Variants in TRMT11 observed in about 807,000 individuals in gnomAD.
TRMT11 encodes tRNA methyltransferase 11, also known as tRNA (guanine(10)-N(2))-methyltransferase TRMT11.
TRMT11 carries 53 observed loss-of-function variants against 62.8 expected under a neutral mutation model. The ratio of observed to expected loss-of-function variants is 0.84; its 90% CI spans 0.68 to 1.06. The LOEUF (loss-of-function observed/expected upper bound fraction) is 1.06, where lower values mean the gene tolerates loss of function less well. Among genes scored for constraint, TRMT11 ranks in the 50% least tolerant of loss-of-function variants. The pLI is 0.00. For synonymous variants in TRMT11, 188 were observed against 190.3 expected, an observed-to-expected ratio of 0.99 and a Z score of 0.10; for missense variants, 556 against 553.4, an observed-to-expected ratio of 1.00 and a Z score of -0.05.
chr6:125,996,188 G>A lies in TRMT11; in HGVS notation c.212+148G>A, dbSNP rs145260177. The A allele has an allele frequency of 2.9e-4, 164 of 560,660 alleles. No individual in the cohort carries two copies. The African/African-American group carries it at 3.0e-3, about 10-fold the overall frequency. 34.7% of individuals were successfully genotyped at this position (560,660 alleles called of 1,614,324 possible). Reference sequence around the variant, plus strand: ...CACTGGGTGGCGGTGGGGGACCAGAGGAGGGTTACCTGCCGAAACCAAGGA... The same window carrying A: ...CACTGGGTGGCGGTGGGGGACCAGAAGAGGGTTACCTGCCGAAACCAAGGA... On this transcript the variant is annotated intron_variant, in intron 3 of 12. Coordinates refer to ENST00000334379, the MANE Select transcript of TRMT11 (RefSeq NM_001031712.3).
At chr6:126,206,833 T>G (rs575814535), downstream of TRMT11, among the ~76,000 whole-genome samples, 1 of 152,320 alleles carries the variant, frequency 6.6e-6, no homozygotes, top group South Asian at 2.1e-4. Flanking sequence ...TAAACTGTTT[T>G]GCTTTGGAAA....
chr6:126,189,740 A>G (rs574180520), intron 1 of TRMT11, among the ~76,000 whole-genome samples: 1 of 152,278 alleles, frequency 6.6e-6, no homozygotes, highest in Non-Finnish European at 1.5e-5. Context: ...ATAAGGTAGC[A>G]TACTGGACAT....
At chr6:126,130,237 G>C (rs1273452038) in intron 21 of TRMT11, among the ~76,000 whole-genome samples, 1 of 152,092 alleles carries the variant, frequency 6.6e-6, no homozygotes, top group Admixed American at 6.6e-5. Context: ...GAGAACAACA[G>C]CGGGGTCTTT....
At chr6:126,157,410 C>T (rs912518862) in intron 21 of TRMT11, among the ~76,000 whole-genome samples, 1 of 152,148 alleles carries the variant, frequency 6.6e-6, no homozygotes, top group African/African-American at 2.4e-5. Flanking sequence ...AAGCCTGGCT[C>T]CTGCTAAACC....
chr6:126,137,659 T>G (rs542617458), intron 21 of TRMT11, among the ~76,000 whole-genome samples: 1 of 152,020 alleles, frequency 6.6e-6, no homozygotes, highest in African/African-American at 2.4e-5. Context: ...CAAAGGGATA[T>G]CTGCAGTTTC....
chr6:126,002,643 C>G (rs1792702053), intron 7 of TRMT11, among the ~76,000 whole-genome samples: 2 of 151,986 alleles, frequency 1.3e-5, no homozygotes, highest in Non-Finnish European at 2.9e-5. Flanking sequence ...TCCTATCCCC[C>G]ACTCCTTATT....
At position 126,013,034 on chromosome 6, in the gene TRMT11, A is replaced by C. The variant is rs1485189647; in HGVS notation, c.1072A>C (p.Asn358His). The C allele has an allele frequency of 2.5e-6, 4 of 1,613,756 alleles. No individual in the cohort carries two copies. In the African/African-American group the frequency reaches 4.0e-5, roughly 16 times the overall value. The change falls in exon 11 of 13, where the codon AAC (asparagine) becomes CAC (histidine). Residue 358 changes from asparagine (N) to histidine (H), a missense_variant. Transcript: ENST00000334379. ...HLSDMFLDLL[N>H]FAAETLVLGG... ...GAGTGATATGTTTCTTGACCTGTTAAACTTCGCAGCTGAGACCCTCGTTTT... is the reference window on the plus strand; with the variant it reads ...GAGTGATATGTTTCTTGACCTGTTACACTTCGCAGCTGAGACCCTCGTTTT...
At chr6:126,119,850 T>A (rs1353272526) in intron 21 of TRMT11, among the ~76,000 whole-genome samples, 1 of 152,058 alleles carries the variant, frequency 6.6e-6, no homozygotes, top group Non-Finnish European at 1.5e-5. Context: ...AGAAAAACAA[T>A]TAGCAATGAA....
chr6:126,026,825 C>T (rs1260911868), intron 12 of TRMT11, among the ~76,000 whole-genome samples: 2 of 114,922 alleles, frequency 1.7e-5, no homozygotes, highest in South Asian at 2.7e-4. Flanking sequence ...TTTTTTGAGA[C>T]GGAGTCTTGC....
intron 17 of TRMT11, among the ~76,000 whole-genome samples, chr6:126,059,756 T>C (rs1282315985): frequency 6.6e-6 from 1 of 152,192 alleles, no homozygotes; most frequent in South Asian, 2.1e-4. Context: ...TCTGACCGTT[T>C]TACTCTACTA....
intron 17 of TRMT11, among the ~76,000 whole-genome samples, chr6:126,071,912 A>T (rs972872742): frequency 4.6e-5 from 7 of 152,108 alleles, no homozygotes; most frequent in African/African-American, 1.7e-4. Context: ...AGAGTATCAG[A>T]GTTAGTAGGT....
In TRMT11 at chr6:126,065,824, G is replaced by A. The variant is rs144082345; in HGVS notation, c.*1437+12634G>A. Among the ~76,000 whole-genome samples the A allele has an allele frequency of 1.1e-4, 17 of 152,300 alleles. No individual in the cohort carries two copies. The East Asian group carries it at 1.2e-3, about 10-fold the overall frequency. On this transcript the variant is annotated intron_variant and NMD_transcript_variant, in intron 17 of 22. Transcript: ENST00000648977. ...TTGTCCTTCAGACGAGATTGGGAGC[G>A]TTGAGGGTGGTATGACTGTAGACTG...
Position 125,986,780 on chromosome 6 carries a change from T to C in TRMT11, c.72+158T>C, listed in dbSNP as rs576837712. On this transcript the variant is annotated intron_variant, in intron 1 of 12. Transcript: ENST00000334379. The stretch of plus-strand genomic sequence containing the variant: ...TCCCCAGTCCTCGGGCGGGGTGAGC[T>C]TGGCGGAGGGTGTGTGTGAGAGAAG... The C allele has an allele frequency of 4.6e-6, 3 of 657,974 alleles. No homozygotes were observed. The East Asian group carries it at 8.4e-5, about 18-fold the overall frequency. The allele number at this position is 657,974 out of a possible 1,614,324, so 40.8% of individuals were successfully genotyped here.
intron 21 of TRMT11, among the ~76,000 whole-genome samples, chr6:126,127,388 T>C (rs1019411493): frequency 5.9e-5 from 9 of 152,212 alleles, no homozygotes; most frequent in South Asian, 2.1e-4. Flanking sequence ...CTCCAAAGGA[T>C]TGAAGTTGAC....
chr6:126,038,874 T>A lies in TRMT11; in HGVS notation c.*38T>A, dbSNP rs768548733. On this transcript the variant is annotated 3_prime_UTR_variant, in exon 13 of 13. Transcript: ENST00000334379. ...TGACAATGAAGAAAGAATAAGAATT[T>A]GATTTAAAAAGACATCTGGATGTGA... The A allele has an allele frequency of 1.3e-6, 2 of 1,549,626 alleles. No homozygotes were observed. Among genetic ancestry groups the A allele is most frequent in the Admixed American group, 4.0e-5 (2 of 49,894 alleles).
In TRMT11 at chr6:126,038,557, G is replaced by A; in HGVS notation, c.1261-148G>A. 8 of 573,014 alleles carry A rather than the reference G, an allele frequency of 1.4e-5. 1 individual carries two copies. In the South Asian group the frequency reaches 2.6e-4, roughly 19 times the overall value. The allele number at this position is 573,014 out of a possible 1,614,324, so 35.5% of individuals were successfully genotyped here. On this transcript the variant is annotated intron_variant, in intron 12 of 12. Coordinates refer to ENST00000334379, the MANE Select transcript of TRMT11 (RefSeq NM_001031712.3). Reference sequence around the variant, plus strand: ...AAGCATGATAAGGATGTAAAGTGATGGTATATTTCTAATTCAAGTAGTGAA... The same window carrying A: ...AAGCATGATAAGGATGTAAAGTGATAGTATATTTCTAATTCAAGTAGTGAA...
At chr6:126,009,235 G>A (rs570638942) in intron 8 of TRMT11, 1 of 151,850 alleles carries the variant, frequency 6.6e-6, no homozygotes, top group Non-Finnish European at 1.5e-5. Context: ...TACTATTTAT[G>A]TTTCTAATTT....
intron 1 of TRMT11, among the ~76,000 whole-genome samples, chr6:126,196,017 C>A (rs1217783049): frequency 6.6e-6 from 1 of 152,118 alleles, no homozygotes; most frequent in East Asian, 1.9e-4. Flanking sequence ...TAACTTGAAT[C>A]CTTGATGACA....
intron 11 of TRMT11, among the ~76,000 whole-genome samples, chr6:126,019,883 A>G (rs971747937): frequency 6.6e-6 from 1 of 152,252 alleles, no homozygotes. Flanking sequence ...TGTAGTGAAC[A>G]TTAAAGAATT....
Sources: gnomAD v4.1 joint callset for allele counts (sites outside exome capture counted in the v4.1 genomes callset) on GRCh38, gnomAD v4.1.1 for gene constraint, MANE v1.5 for transcripts, NCBI Gene and HGNC (gene_info 2026-07-23, HGNC 2026-07-21) for gene names.